WDR72: variants seen among roughly 807,000 people sequenced by gnomAD.
WDR72 encodes the protein WD repeat-containing protein 72.
A neutral mutation model predicts 124.2 loss-of-function variants in WDR72; 120 were observed. The ratio of observed to expected loss-of-function variants is 0.97; its 90% CI spans 0.83 to 1.12. The LOEUF is 1.12. WDR72 is among the 50% of genes most tolerant of loss of function. WDR72 has a pLI of 0.00. For synonymous variants in WDR72, 452 were observed against 441.7 expected (o/e 1.02, Z -0.29); for missense variants, 1,387 against 1,278.8 (o/e 1.08, Z -1.29).
chr15:53,573,609 G>A (rs1299788704), intron 18 of WDR72, among the ~76,000 whole-genome samples: 3 of 151,340 alleles, frequency 2.0e-5, no homozygotes, highest in South Asian at 2.1e-4. Flanking sequence ...GCAGTGGCAC[G>A]ATCTCAGCTT....
At chr15:53,524,487 G>A (rs1289071331) in intron 18 of WDR72, among the ~76,000 whole-genome samples, 1 of 152,014 alleles carries the variant, frequency 6.6e-6, no homozygotes, top group East Asian at 1.9e-4. Context: ...GTGACACAAC[G>A]GTGTCCCACC....
intron 12 of WDR72, among the ~76,000 whole-genome samples, chr15:53,700,817 C>A (rs142245165): frequency 6.6e-6 from 1 of 152,250 alleles, no homozygotes; most frequent in South Asian, 2.1e-4. Flanking sequence ...GGAGCCTAGA[C>A]TTGCAGAACG....
intron 18 of WDR72, among the ~76,000 whole-genome samples, chr15:53,593,017 G>T (rs2012584282): frequency 6.6e-6 from 1 of 152,040 alleles, no homozygotes; most frequent in African/African-American, 2.4e-5. Flanking sequence ...GCTGTGAAGT[G>T]TAATAGGAGA....
chr15:53,704,530 G>C (rs1387299046), intron 11 of WDR72, among the ~76,000 whole-genome samples: 2 of 150,974 alleles, frequency 1.3e-5, no homozygotes, highest in Admixed American at 6.6e-5. Context: ...TTTTGGTTTT[G>C]GTTTTTTTTG....
intron 13 of WDR72, among the ~76,000 whole-genome samples, chr15:53,691,750 G>A (rs1173572575): frequency 6.6e-6 from 1 of 152,132 alleles, no homozygotes; most frequent in Admixed American, 6.6e-5. Flanking sequence ...TGTGTGTTAA[G>A]TATCTTCATT....
At chr15:53,736,704 C>T (rs185620424) in intron 1 of WDR72, among the ~76,000 whole-genome samples, 1 of 152,192 alleles carries the variant, frequency 6.6e-6, no homozygotes, top group East Asian at 1.9e-4. Flanking sequence ...TAAAGGAATA[C>T]AGGGATAAGC....
At chr15:53,621,131 T>A (rs2013972875) in intron 14 of WDR72, among the ~76,000 whole-genome samples, 1 of 151,738 alleles carries the variant, frequency 6.6e-6, no homozygotes, top group Non-Finnish European at 1.5e-5. Flanking sequence ...ATGGCCATAA[T>A]AAAAAAATAA....
intron 2 of WDR72, among the ~76,000 whole-genome samples, chr15:53,732,706 T>G (rs1402403320): frequency 6.6e-6 from 1 of 152,200 alleles, no homozygotes; most frequent in African/African-American, 2.4e-5. Flanking sequence ...GTTCAGTTAC[T>G]TAAACATATA....
Position 53,746,920 on chromosome 15 carries a change from TCA to T in WDR72, c.-13+12711_-13+12712del, listed in dbSNP as rs541646022. The stretch of plus-strand genomic sequence containing the variant: ...GCAGAGTAAAGTGGCTTGGCCAGTG[TCA>T]CACAGCTAGCTAGTAAGTGGAAACA... On this transcript the variant is annotated intron_variant, in intron 1 of 19. Transcript: ENST00000360509. 1.6e-3 allele frequency among the ~76,000 whole-genome samples: 238 copies of T among 152,314 alleles called. 1 individual carries two copies. Among genetic ancestry groups the T allele is most frequent in the Admixed American group, 3.2e-3 (49 of 15,302 alleles).
intron 1 of WDR72, among the ~76,000 whole-genome samples, chr15:53,752,650 C>A (rs2018802861): frequency 6.6e-6 from 1 of 152,206 alleles, no homozygotes; most frequent in African/African-American, 2.4e-5. Context: ...TTGTGTAAGT[C>A]ACCCAGTGGG....
Position 53,710,968 on chromosome 15 carries a change from TA to T in WDR72, c.858-16del, listed in dbSNP as rs1169655236. 1.6e-5 allele frequency: 26 copies of T among 1,608,526 alleles called. No individual in the cohort carries two copies. Among genetic ancestry groups the T allele is most frequent in the Admixed American group, 3.3e-5 (2 of 59,960 alleles). On this transcript the variant is annotated splice_polypyrimidine_tract_variant and intron_variant, in intron 8 of 19. Coordinates refer to ENST00000360509, the MANE Select transcript of WDR72 (RefSeq NM_182758.4). ...TTGAAAGCCCACTGCGTGGCAAAAA[TA>T]AAAAGCAAAGTTTAGAACTTTGAGG...
At chr15:53,695,403 A>G (rs1252365656) in intron 13 of WDR72, among the ~76,000 whole-genome samples, 1 of 152,258 alleles carries the variant, frequency 6.6e-6, no homozygotes, top group East Asian at 1.9e-4. Flanking sequence ...AAAATCAGTA[A>G]TACATTATTA....
chr15:53,680,121 C>A (rs1201136191), intron 13 of WDR72, among the ~76,000 whole-genome samples: 3 of 152,104 alleles, frequency 2.0e-5, no homozygotes, highest in African/African-American at 4.8e-5. Context: ...TAACTGGTAG[C>A]AAGGTGGCCA....
Position 53,603,382 on chromosome 15 carries a change from C to T in WDR72, c.2953-6108G>A, listed in dbSNP as rs368735692. Among the ~76,000 whole-genome samples the T allele has an allele frequency of 8.5e-5, 13 of 152,192 alleles. 1 individual carries two copies. The South Asian group carries it at 2.7e-3, about 32-fold the overall frequency. On this transcript the variant is annotated intron_variant, in intron 17 of 19. Transcript: ENST00000360509. ...TGAAAAAACCACAGCCAACATCATA[C>T]TAAATAGGCAAAAGCTAGAACCATT... is the stretch of plus-strand genomic sequence containing the variant.
rs1175643787 is a variant in WDR72, at chr15:53,529,175, T to A, written c.3149-5853A>T. Among the ~76,000 whole-genome samples, 31 of 138,212 alleles carry A rather than the reference T, an allele frequency of 2.2e-4. 1 individual carries two copies. Among genetic ancestry groups the A allele is most frequent in the African/African-American group, 7.9e-4 (27 of 34,096 alleles). The allele number at this position is 138,212 out of a possible 152,430, so 90.7% of individuals were successfully genotyped here. A position where few individuals can be genotyped will look rare whatever the true frequency, so the allele number is the denominator to read the frequency against. On this transcript the variant is annotated intron_variant, in intron 18 of 19. Transcript: ENST00000360509. Reference sequence around the variant, plus strand: ...ATATATATATATATATTTTTTTTTTTTTTTTTAAAAGAATATAAAAAATTT... The same window carrying A: ...ATATATATATATATATTTTTTTTTTATTTTTTAAAAGAATATAAAAAATTT...
intron 7 of WDR72, among the ~76,000 whole-genome samples, chr15:53,712,382 G>A (rs1054569998): frequency 1.3e-5 from 2 of 152,156 alleles, no homozygotes; most frequent in Non-Finnish European, 2.9e-5. Flanking sequence ...CAGATCACGA[G>A]GTCAGGAGTT....
chr15:53,539,327 C>A (rs1167299152), intron 18 of WDR72, among the ~76,000 whole-genome samples: 2 of 151,988 alleles, frequency 1.3e-5, no homozygotes, highest in African/African-American at 2.4e-5. Context: ...ACCTGTAGAA[C>A]TAAAATCAAA....
At chr15:53,675,229 G>A (rs1044683963) in intron 13 of WDR72, among the ~76,000 whole-genome samples, 2 of 151,870 alleles carry the variant, frequency 1.3e-5, no homozygotes, top group African/African-American at 4.8e-5. Context: ...TGTAGTCCCA[G>A]CTACTTGGCA....
rs559313719 is a variant in WDR72, at chr15:53,759,655, G to C, written c.-35C>G. The C allele has an allele frequency of 6.6e-6, 1 of 152,386 alleles. No homozygotes were observed. Among genetic ancestry groups the C allele is most frequent in the Non-Finnish European group, 1.5e-5 (1 of 68,184 alleles). The allele number at this position is 152,386 out of a possible 1,614,324, so 9.4% of individuals were successfully genotyped here. ...TACCTGAGCCGTGGGGCGGAGGAGCGGCAGAGGCCAGGCAGGCTGGCGGGT... is the reference window on the plus strand; with the variant it reads ...TACCTGAGCCGTGGGGCGGAGGAGCCGCAGAGGCCAGGCAGGCTGGCGGGT... On this transcript the variant is annotated 5_prime_UTR_variant, in exon 1 of 20. Coordinates refer to ENST00000360509, the MANE Select transcript of WDR72 (RefSeq NM_182758.4).
Sources: gnomAD v4.1 joint callset for allele counts (sites outside exome capture counted in the v4.1 genomes callset) on GRCh38, gnomAD v4.1.1 for gene constraint, MANE v1.5 for transcripts, NCBI Gene and HGNC (gene_info 2026-07-23, HGNC 2026-07-21) for gene names.